The following SEMA6D variants were observed in gnomAD, a reference collection of about 807,000 sequenced individuals.
SEMA6D encodes semaphorin 6D.
SEMA6D carries 35 observed loss-of-function variants against 106.6 expected under a neutral mutation model. That is an observed-to-expected ratio of 0.33 (90% CI 0.25 to 0.44). The LOEUF (loss-of-function observed/expected upper bound fraction) is 0.44. Among genes scored for constraint, SEMA6D ranks in the 20% least tolerant of loss-of-function variants. SEMA6D has a pLI of 1.00. For synonymous variants in SEMA6D, 499 were observed against 487.7 expected, an observed-to-expected ratio of 1.02 and a Z score of -0.31; for missense variants, 1,185 against 1,345.9, an observed-to-expected ratio of 0.88 and a Z score of 1.87.
chr15:47,730,533 GA>G, intron 1 of SEMA6D: 3 of 1,318,850 alleles, frequency 2.3e-6, no homozygotes, highest in Non-Finnish European at 3.3e-6. Context: ...ACTCCTGCTC[GA>G]AGGACAGGTG....
chr15:47,255,303 T>C (rs2033747179), intron 1 of SEMA6D, among the ~76,000 whole-genome samples: 1 of 152,094 alleles, frequency 6.6e-6, no homozygotes, highest in Non-Finnish European at 1.5e-5. Context: ...CTTTTTCACC[T>C]TTAATTTTGT....
intron 1 of SEMA6D, among the ~76,000 whole-genome samples, chr15:47,412,104 A>T (rs2040818438): frequency 1.3e-5 from 2 of 150,094 alleles, no homozygotes; most frequent in Admixed American, 1.3e-4. Context: ...GTTTATTAAA[A>T]CTCCCTAGGC....
At chr15:47,457,942 A>T (rs987954092) in intron 2 of SEMA6D, among the ~76,000 whole-genome samples, 2 of 152,012 alleles carry the variant, frequency 1.3e-5, no homozygotes, top group African/African-American at 4.8e-5. Flanking sequence ...AAAAGAGAAC[A>T]TAAAAATGGC....
chr15:47,229,732 T>C (rs2032057674), intron 1 of SEMA6D, among the ~76,000 whole-genome samples: 1 of 152,142 alleles, frequency 6.6e-6, no homozygotes, highest in Admixed American at 6.6e-5. Flanking sequence ...ATTGGTCTCC[T>C]TCTCCACTGC....
At chr15:47,480,072 A>C (rs1268384229) in intron 3 of SEMA6D, among the ~76,000 whole-genome samples, 1 of 150,768 alleles carries the variant, frequency 6.6e-6, no homozygotes, top group Non-Finnish European at 1.5e-5. Context: ...TGCCTAGCCT[A>C]GTCTTGAACC....
rs2040629267 is a variant in SEMA6D at position 47,407,420 on chromosome 15, A to C, written c.-238-4973A>C. ...AACAACAACAACAACAAAAAAAACA[A>C]AAAAAACAAACAAAAATACTTAATA... is the stretch of plus-strand genomic sequence containing the variant. On this transcript the variant is annotated intron_variant, in intron 1 of 19. Transcript: ENST00000558014. Among the ~76,000 whole-genome samples the C allele has an allele frequency of 1.3e-5, 2 of 151,186 alleles. 1 individual carries two copies. The highest frequency in any genetic ancestry group is 4.2e-4 in the South Asian group (2 of 4,808).
At chr15:47,481,262 T>G (rs183382812) in intron 3 of SEMA6D, among the ~76,000 whole-genome samples, 1 of 152,140 alleles carries the variant, frequency 6.6e-6, no homozygotes, top group Non-Finnish European at 1.5e-5. Flanking sequence ...CTCTCCCAGT[T>G]GCAGGGTTCT....
At position 47,410,870 on chromosome 15, in the gene SEMA6D, A is replaced by G. The variant is rs1039623557; in HGVS notation, c.-238-1523A>G. ...CCTAATGATAATACTACCCTAAATG[A>G]TTCTTTGGTCTTTGAAATGGTGAAA... On this transcript the variant is annotated intron_variant, in intron 1 of 19. Transcript: ENST00000558014. Among the ~76,000 whole-genome samples, 3 of 152,262 alleles carry G rather than the reference A, an allele frequency of 2.0e-5. No individual in the cohort carries two copies. The East Asian group carries it at 5.8e-4, about 29-fold the overall frequency.
At chr15:47,766,507 C>A in intron 15 of SEMA6D, 109 bp from the exon 16 acceptor site, 4 of 875,206 alleles carry the variant, frequency 4.6e-6, no homozygotes, top group South Asian at 1.6e-5. Context: ...TTTTTTCTCT[C>A]TCTGCCCATT....
intron 1 of SEMA6D, among the ~76,000 whole-genome samples, chr15:47,750,402 T>C (rs888459753): frequency 2.0e-5 from 3 of 152,108 alleles, no homozygotes; most frequent in Non-Finnish European, 4.4e-5. Flanking sequence ...TCAGTCCAGA[T>C]TGGTGAAGTG....
At chr15:47,481,877 G>T (rs1010939437) in intron 3 of SEMA6D, among the ~76,000 whole-genome samples, 3 of 152,174 alleles carry the variant, frequency 2.0e-5, no homozygotes, top group African/African-American at 7.2e-5. Flanking sequence ...AGGCTGGATA[G>T]AGTGGAACTG....
intron 4 of SEMA6D, among the ~76,000 whole-genome samples, chr15:47,711,748 CCTAT>C (rs941288830): frequency 6.6e-6 from 1 of 152,156 alleles, no homozygotes; most frequent in Non-Finnish European, 1.5e-5. Context: ...TAGTAAACAT[CCTAT>C]CTGAGAAGGC....
intron 3 of SEMA6D, among the ~76,000 whole-genome samples, chr15:47,598,814 A>G (rs1288597442): frequency 6.6e-6 from 1 of 152,204 alleles, no homozygotes; most frequent in Non-Finnish European, 1.5e-5. Flanking sequence ...TGTGGAAACC[A>G]TAAAGAAAAA....
At chr15:47,464,700 C>G (rs1240968140) in intron 2 of SEMA6D, among the ~76,000 whole-genome samples, 2 of 152,048 alleles carry the variant, frequency 1.3e-5, no homozygotes, top group Admixed American at 6.6e-5. Flanking sequence ...CACAAACCAC[C>G]CTGCACCCTT....
chr15:47,471,133 T>C (rs1375924292), intron 3 of SEMA6D, among the ~76,000 whole-genome samples: 6 of 152,104 alleles, frequency 3.9e-5, no homozygotes, highest in Non-Finnish European at 7.4e-5. Flanking sequence ...TCCTCATGAA[T>C]GTTGGTGGGA....
At chr15:47,744,284 G>A (rs2080989331) in intron 1 of SEMA6D, among the ~76,000 whole-genome samples, 1 of 152,056 alleles carries the variant, frequency 6.6e-6, no homozygotes, top group African/African-American at 2.4e-5. Context: ...CCAAACCCTG[G>A]TCTAGGCTGA....
At chr15:47,465,515 C>T (rs1345478350) in intron 2 of SEMA6D, among the ~76,000 whole-genome samples, 2 of 152,168 alleles carry the variant, frequency 1.3e-5, no homozygotes, top group African/African-American at 4.8e-5. Flanking sequence ...TGTGTCCCCA[C>T]CCAAATCTCA....
intron 4 of SEMA6D, among the ~76,000 whole-genome samples, chr15:47,677,931 A>C (rs1409145957): frequency 6.6e-6 from 1 of 152,216 alleles, no homozygotes; most frequent in African/African-American, 2.4e-5. Flanking sequence ...AGAGCAGCAA[A>C]AAAGCATTAT....
At chr15:47,454,041 G>C (rs2042270256) in intron 2 of SEMA6D, among the ~76,000 whole-genome samples, 1 of 151,926 alleles carries the variant, frequency 6.6e-6, no homozygotes, top group Non-Finnish European at 1.5e-5. Flanking sequence ...CTAGTGTTGT[G>C]AGTGGTGCAA....
Sources: gnomAD v4.1 joint callset for allele counts (sites outside exome capture counted in the v4.1 genomes callset) on GRCh38, gnomAD v4.1.1 for gene constraint, MANE v1.5 for transcripts, NCBI Gene and HGNC (gene_info 2026-07-23, HGNC 2026-07-21) for gene names.